Variants in HSPB7 observed in about 807,000 individuals in gnomAD.
HSPB7 encodes heat shock protein family B (small) member 7.
In HSPB7, 9 loss-of-function variants were observed where a neutral mutation model predicts 11.0. The observed-to-expected ratio is 0.82, with a 90% CI of 0.49 to 1.43. The LOEUF (loss-of-function observed/expected upper bound fraction) is 1.43, where lower values mean the gene tolerates loss of function less well. Among genes scored for constraint, HSPB7 ranks in the 40% most tolerant of loss-of-function variants. The probability of loss-of-function intolerance (pLI) is 0.00; values close to 1 mark genes in which losing one functional copy is unlikely to be tolerated. For synonymous variants in HSPB7, 102 were observed against 101.6 expected (o/e 1.00, Z -0.02); for missense variants, 246 against 243.9 (o/e 1.01, Z -0.06).
At position 16,014,307 on chromosome 1, in the gene HSPB7, G is replaced by A. The variant is rs571861417; in HGVS notation, c.*1273C>T. On this transcript the variant is annotated 3_prime_UTR_variant, in exon 3 of 3. Transcript: ENST00000311890. ...TTTCCCAGGGTTAAGGCTGATGGAA[G>A]GTCCCTATCCCAGATGGGAGATGGG... 6.6e-6 allele frequency: 1 copy of A among 151,900 alleles called. No individual in the cohort carries two copies. The highest frequency in any genetic ancestry group is 2.1e-4 in the South Asian group (1 of 4,816). The allele number at this position is 151,900 out of a possible 1,614,324, so 9.4% of individuals were successfully genotyped here. A position where few individuals can be genotyped will look rare whatever the true frequency, so the allele number is the denominator to read the frequency against.
chr1:16,017,466 C>G (rs911873698), intron 1 of HSPB7: 2 of 587,254 alleles, frequency 3.4e-6, no homozygotes, highest in Non-Finnish European at 5.9e-6. Context: ...GGGGCTGCCC[C>G]CCACCGCTCA....
At chr1:16,016,308 G>A (rs1415716650) in intron 2 of HSPB7, among the ~76,000 whole-genome samples, 2 of 152,196 alleles carry the variant, frequency 1.3e-5, no homozygotes, top group Non-Finnish European at 2.9e-5. Context: ...CCTTGAATGT[G>A]GAGGGGAAGA....
Sources: allele counts gnomAD v4.1 joint callset (sites outside exome capture counted in the v4.1 genomes callset), GRCh38; gene constraint gnomAD v4.1.1; transcripts MANE v1.5; gene names NCBI Gene and HGNC (gene_info 2026-07-23, HGNC 2026-07-21).